Variants in ERBB4 observed in about 807,000 individuals in gnomAD.
ERBB4 encodes the protein erb-b2 receptor tyrosine kinase 4, also known as receptor tyrosine-protein kinase erbB-4.
ERBB4 carries 42 observed loss-of-function variants against 158.0 expected under a neutral mutation model. The ratio of observed to expected loss-of-function variants is 0.27; its 90% CI spans 0.21 to 0.34. The LOEUF is 0.34. ERBB4 is among the 10% of genes least tolerant of loss of function. The pLI, the probability that ERBB4 is intolerant of heterozygous loss-of-function variation, is 1.00. For missense variants in ERBB4, 1,333 were observed against 1,624.1 expected (o/e 0.82, Z 3.08); for synonymous variants, 583 against 558.7 (o/e 1.04, Z -0.61).
intron 19 of ERBB4, among the ~76,000 whole-genome samples, chr2:211,611,451 A>G (rs565887707): frequency 0.041 from 588 of 14,440 alleles, 6 homozygotes; most frequent in African/African-American, 0.11. Flanking sequence ...CGCTTTAATG[A>G]GTCTTGCTGC....
At chr2:211,843,458 TG>T (rs1322689886) in intron 3 of ERBB4, among the ~76,000 whole-genome samples, 3 of 152,038 alleles carry the variant, frequency 2.0e-5, no homozygotes, top group Admixed American at 6.6e-5. Flanking sequence ...AGGATAGTTT[TG>T]CATAATGGCT....
chr2:212,143,465 G>T (rs1248197852), intron 1 of ERBB4, among the ~76,000 whole-genome samples: 2 of 151,998 alleles, frequency 1.3e-5, no homozygotes, highest in East Asian at 3.9e-4. Context: ...TCAAATTTTG[G>T]GTATCCTGGG....
intron 2 of ERBB4, among the ~76,000 whole-genome samples, chr2:212,077,761 CTG>C (rs1480671788): frequency 6.6e-6 from 1 of 152,110 alleles, no homozygotes; most frequent in East Asian, 1.9e-4. Flanking sequence ...TTGCACATTT[CTG>C]TGTTTCTTAT....
intron 25 of ERBB4, among the ~76,000 whole-genome samples, chr2:211,391,156 C>T (rs2062790667): frequency 6.6e-6 from 1 of 152,088 alleles, no homozygotes; most frequent in South Asian, 2.1e-4. Context: ...CTTGTTTTTG[C>T]TGTTTTTAGT....
intron 1 of ERBB4, among the ~76,000 whole-genome samples, chr2:212,257,854 TA>T (rs760211871): frequency 2.0e-5 from 3 of 150,660 alleles, no homozygotes; most frequent in East Asian, 1.9e-4. Context: ...GGAAGAAATG[TA>T]AAAAAAAAGC....
chr2:212,328,808 T>G (rs2087989663), intron 1 of ERBB4, among the ~76,000 whole-genome samples: 1 of 152,022 alleles, frequency 6.6e-6, no homozygotes, highest in African/African-American at 2.4e-5. Flanking sequence ...ATGGAAACAT[T>G]TAGTTTACAT....
intron 1 of ERBB4, among the ~76,000 whole-genome samples, chr2:212,285,796 T>C (rs925222145): frequency 6.6e-6 from 1 of 152,160 alleles, no homozygotes; most frequent in African/African-American, 2.4e-5. Context: ...AATATACAGC[T>C]TGGTATTCGA....
chr2:211,870,518 T>G (rs1315533874), intron 3 of ERBB4, among the ~76,000 whole-genome samples: 1 of 152,132 alleles, frequency 6.6e-6, no homozygotes, highest in East Asian at 1.9e-4. Flanking sequence ...TATTATAAGA[T>G]ATCATGCTAA....
intron 1 of ERBB4, among the ~76,000 whole-genome samples, chr2:212,377,593 G>C (rs1345570833): frequency 6.6e-6 from 1 of 151,900 alleles, no homozygotes; most frequent in Non-Finnish European, 1.5e-5. Context: ...CACCTGTCTA[G>C]GGGACCTACC....
At chr2:211,720,508 C>G (rs1040628009) in intron 7 of ERBB4, among the ~76,000 whole-genome samples, 14 of 152,168 alleles carry the variant, frequency 9.2e-5, no homozygotes, top group South Asian at 2.1e-4. Flanking sequence ...AACGCCATGT[C>G]TTTTCTTAAA....
chr2:211,527,328 C>G (rs186427821), intron 20 of ERBB4, among the ~76,000 whole-genome samples: 73 of 152,032 alleles, frequency 4.8e-4, no homozygotes, highest in African/African-American at 1.7e-3. Context: ...CAACTTTTAG[C>G]CTAGAATAGT....
At chr2:212,295,228 C>G (rs1263118288) in intron 1 of ERBB4, among the ~76,000 whole-genome samples, 1 of 152,014 alleles carries the variant, frequency 6.6e-6, no homozygotes, top group Non-Finnish European at 1.5e-5. Context: ...TAATAGAACT[C>G]TTTTAAATAT....
rs1052991346 is a variant in ERBB4, at chr2:211,424,243, C to T, written c.2778G>A (p.Thr926=). The T allele has an allele frequency of 4.3e-6, 7 of 1,613,024 alleles. No homozygotes were observed. The highest frequency in any genetic ancestry group is 5.9e-6 in the Non-Finnish European group (7 of 1,179,324). ...TCTCTAATAAATCAGGGATTTCTCG[C>T]GTTGGAATTCCATCATAGGGTTTTC... ...FGGKPYDGIP[T]REIPDLLEKG... is the part of the protein sequence containing the mutation. Residue 926 remains threonine, a synonymous_variant, in exon 23 of 28, where the codon ACG becomes ACA. Transcript: ENST00000342788.
chr2:212,001,932 G>A (rs149623255), intron 2 of ERBB4, among the ~76,000 whole-genome samples: 19 of 152,192 alleles, frequency 1.2e-4, no homozygotes, highest in African/African-American at 2.4e-4. Flanking sequence ...TATTAATAGC[G>A]TGACCATTAA....
At chr2:212,206,954 A>G (rs202086642) in intron 1 of ERBB4, among the ~76,000 whole-genome samples, 1 of 150,646 alleles carries the variant, frequency 6.6e-6, no homozygotes, top group African/African-American at 2.4e-5. Context: ...AGCATGATCA[A>G]TTTTATGGAC....
At chr2:211,870,490 T>A (rs376567766) in intron 3 of ERBB4, among the ~76,000 whole-genome samples, 2 of 152,140 alleles carry the variant, frequency 1.3e-5, no homozygotes, top group East Asian at 3.8e-4. Context: ...TATTGAGATA[T>A]CTACATCGAA....
intron 3 of ERBB4, among the ~76,000 whole-genome samples, chr2:211,883,185 A>C (rs969422071): frequency 2.0e-5 from 3 of 152,196 alleles, no homozygotes; most frequent in Non-Finnish European, 2.9e-5. Context: ...TTCTCAGCAA[A>C]CTATCGCAAG....
chr2:212,268,598 G>A (rs1304467061), intron 1 of ERBB4, among the ~76,000 whole-genome samples: 1 of 151,866 alleles, frequency 6.6e-6, no homozygotes, highest in Non-Finnish European at 1.5e-5. Context: ...CTTCTGCAAA[G>A]GTTTGGATAG....
intron 1 of ERBB4, among the ~76,000 whole-genome samples, chr2:212,308,348 T>C (rs1480852768): frequency 6.6e-6 from 1 of 151,128 alleles, no homozygotes; most frequent in East Asian, 2.0e-4. Context: ...ATCCTGAATG[T>C]ATAACACTTC....
Sources: gnomAD v4.1 joint callset for allele counts (sites outside exome capture counted in the v4.1 genomes callset) on GRCh38, gnomAD v4.1.1 for gene constraint, MANE v1.5 for transcripts, NCBI Gene and HGNC (gene_info 2026-07-23, HGNC 2026-07-21) for gene names.